Variants in CPD observed in about 807,000 individuals in gnomAD.
CPD encodes carboxypeptidase D.
A neutral mutation model predicts 138.3 loss-of-function variants in CPD; 69 were observed. The observed-to-expected ratio is 0.50, with a 90% CI of 0.41 to 0.61. The LOEUF is 0.61. CPD is among the 20% of genes least tolerant of loss of function. The pLI is 0.00. For missense variants in CPD, 1,432 were observed against 1,733.3 expected, an observed-to-expected ratio of 0.83 and a Z score of 3.09; for synonymous variants, 651 against 642.1, an observed-to-expected ratio of 1.01 and a Z score of -0.21.
intron 4 of CPD, 104 bp from the exon 5 acceptor site, chr17:30,422,569 AG>A (rs1263791696): frequency 7.3e-6 from 5 of 689,212 alleles, no homozygotes; most frequent in Admixed American, 3.3e-5. Context: ...GAGTTTTGAT[AG>A]ATCGCTAAGT....
Position 30,445,988 on chromosome 17 carries a change from A to G in CPD, c.2841A>G (p.Val947=), listed in dbSNP as rs775693838. ...KDLSEFLRGL[V]MNYPHITNLT... ...TATCAGAGTTTCTGAGAGGACTTGT[A>G]ATGAACTATCCACATATTACAAATC... The change falls in exon 12 of 21, where the codon GTA becomes GTG. Residue 947 remains valine, a synonymous_variant. Transcript: ENST00000225719. The G allele has an allele frequency of 1.9e-6, 3 of 1,613,664 alleles. No individual in the cohort carries two copies. Among genetic ancestry groups the G allele is most frequent in the Admixed American group, 1.7e-5 (1 of 59,938 alleles).
chr17:30,444,146 A>G lies in CPD; in HGVS notation c.2543+175A>G, dbSNP rs560178924. The G allele has an allele frequency of 6.8e-5, 22 of 322,080 alleles. No individual in the cohort carries two copies. The South Asian group carries it at 1.5e-3, about 22-fold the overall frequency. The allele number at this position is 322,080 out of a possible 1,614,324, so 20.0% of individuals were successfully genotyped here. ...CTTTAGTGGCAGATAGAGTACACGA[A>G]AAAAAAAAAAAGGAAAGATTCCTGG... On this transcript the variant is annotated intron_variant, in intron 11 of 20. Transcript: ENST00000225719.
In CPD at chr17:30,445,045, A is replaced by T. The variant is rs576125185; in HGVS notation, c.2544-646A>T. On this transcript the variant is annotated intron_variant, in intron 11 of 20. Transcript: ENST00000225719. ...AAGGATGTGTTTGGCAGAGAATGTC[A>T]TAACCTAGCACCTCTGCAACTTTCC... 6.6e-5 allele frequency among the ~76,000 whole-genome samples: 10 copies of T among 152,298 alleles called. 1 individual carries two copies. The South Asian group carries it at 1.9e-3, about 28-fold the overall frequency.
intron 2 of CPD, among the ~76,000 whole-genome samples, chr17:30,393,518 G>C (rs911898834): frequency 6.6e-6 from 1 of 152,146 alleles, no homozygotes; most frequent in African/African-American, 2.4e-5. Context: ...CTGATATTAA[G>C]AAACAGACAA....
At chr17:30,452,567 G>A (rs1056307925) in intron 14 of CPD, among the ~76,000 whole-genome samples, 19 of 148,704 alleles carry the variant, frequency 1.3e-4, no homozygotes, top group Non-Finnish European at 2.8e-4. Context: ...CACTGTGCCA[G>A]GCCCAACATT....
chr17:30,455,727 A>G, intron 15 of CPD: 1 of 370,334 alleles, frequency 2.7e-6, no homozygotes, highest in Non-Finnish European at 4.8e-6. Context: ...TTACTGAGCA[A>G]TTATTATGTC....
chr17:30,421,101 C>A, intron 3 of CPD, 118 bp downstream of exon 3: 2 of 686,568 alleles, frequency 2.9e-6, no homozygotes, highest in Non-Finnish European at 4.4e-6. Flanking sequence ...CTTTTTATTA[C>A]TTAAGATTAT....
At chr17:30,429,519 G>T (rs908831204) in intron 7 of CPD, among the ~76,000 whole-genome samples, 5 of 152,110 alleles carry the variant, frequency 3.3e-5, no homozygotes, top group Admixed American at 6.6e-5. Flanking sequence ...TGCTGTACAG[G>T]AGTAAAAAAT....
Position 30,420,846 on chromosome 17 carries a change from A to T in CPD, c.1000A>T (p.Met334Leu). Residue 334 changes from methionine (M) to leucine (L), a missense_variant, in exon 3 of 21, where the codon ATG becomes TTG. Met to Leu is a conservative substitution (Grantham distance 15). Transcript: ENST00000225719. ...GAHWYDVEGG[M>L]QDYNYVWANC... ...TTATTTTTTCTATGTTACAGGTGGT[A>T]TGCAAGATTACAATTATGTGTGGGC... 1 of 1,609,808 alleles carries T rather than the reference A, an allele frequency of 6.2e-7. No homozygotes were observed. The highest frequency in any genetic ancestry group is 8.5e-7 in the Non-Finnish European group (1 of 1,177,448).
In CPD at chr17:30,445,850, G is replaced by A. The variant is rs1251639649; in HGVS notation, c.2703G>A (p.Glu901=). The change falls in exon 12 of 21, where the codon GAG becomes GAA. Residue 901 remains glutamate (E), a synonymous_variant. Transcript: ENST00000225719. ...TNDASDPTTK[E]FETLIKDLSA... is the part of the protein sequence containing the mutation. ...ATGCCAGTGATCCAACTACTAAAGAGTTTGAAACTTTAATTAAAGACCTTT... is the reference window on the plus strand; with the variant it reads ...ATGCCAGTGATCCAACTACTAAAGAATTTGAAACTTTAATTAAAGACCTTT... 2 of 1,614,134 alleles carry A rather than the reference G, an allele frequency of 1.2e-6. No individual in the cohort carries two copies. Among genetic ancestry groups the A allele is most frequent in the Non-Finnish European group, 1.7e-6 (2 of 1,180,006 alleles).
At chr17:30,438,802 A>C (rs769086299) in intron 8 of CPD, among the ~76,000 whole-genome samples, 173 bp from the exon 9 acceptor site, 30 of 152,312 alleles carry the variant, frequency 2.0e-4, no homozygotes, top group Non-Finnish European at 4.1e-4. Context: ...TCAAAATGGC[A>C]TAAAAAGCTA....
At chr17:30,456,000 CCAAAA>C (rs1913282820) in intron 15 of CPD, 1 of 436,810 alleles carries the variant, frequency 2.3e-6, no homozygotes, top group Non-Finnish European at 4.1e-6. Flanking sequence ...GTAAGACATA[CCAAAA>C]CAAGTTTGTA....
At chr17:30,434,600 G>A (rs1044215734) in intron 8 of CPD, among the ~76,000 whole-genome samples, 5 of 152,124 alleles carry the variant, frequency 3.3e-5, no homozygotes, top group African/African-American at 1.2e-4. Flanking sequence ...TTTAAAAGGA[G>A]AGGATGGTTA....
intron 2 of CPD, among the ~76,000 whole-genome samples, chr17:30,392,857 A>T (rs1048488578): frequency 6.6e-6 from 1 of 152,242 alleles, no homozygotes; most frequent in Non-Finnish European, 1.5e-5. Flanking sequence ...TTTCCCTAAA[A>T]TACGAATGAG....
At chr17:30,380,618 A>G in intron 1 of CPD, 1 of 1,517,000 alleles carries the variant, frequency 6.6e-7, no homozygotes. Context: ...GTATAAAACA[A>G]GAGAATGTTA....
At position 30,421,779 on chromosome 17, in the gene CPD, A is replaced by T; in HGVS notation, c.1253A>T (p.Asp418Val). Residue 418 changes from aspartate (D) to valine (V), a missense_variant, in exon 4 of 21, where the codon GAT becomes GTT. Coordinates refer to ENST00000225719, the MANE Select transcript of CPD (RefSeq NM_001304.5). Reference sequence around the variant, plus strand: ...AATATCACAACAGGCAGATTTGGTGATTTCTACCGATTACTTGTTCCTGGA... The same window carrying T: ...AATATCACAACAGGCAGATTTGGTGTTTTCTACCGATTACTTGTTCCTGGA... ...NHNITTGRFG[D>V]FYRLLVPGTY... is the part of the protein sequence containing the mutation. The T allele has an allele frequency of 6.2e-7, 1 of 1,613,774 alleles. No individual in the cohort carries two copies.
intron 1 of CPD, among the ~76,000 whole-genome samples, chr17:30,381,820 G>C (rs1453017703): frequency 6.6e-6 from 1 of 151,962 alleles, no homozygotes; most frequent in Non-Finnish European, 1.5e-5. Context: ...TATTCACCCA[G>C]CTATATTCGA....
Position 30,461,323 on chromosome 17 carries a change from C to G in CPD, c.3630+12C>G. The G allele has an allele frequency of 6.5e-7, 1 of 1,546,744 alleles. No homozygotes were observed. Among genetic ancestry groups the G allele is most frequent in the Non-Finnish European group, 8.7e-7 (1 of 1,148,536 alleles). On this transcript the variant is annotated intron_variant, in intron 18 of 20. Transcript: ENST00000225719. ...GTATGTTAGTGGAGGTGAGTCTTTT[C>G]CTTTTAACTAGAGGCAAACTCCCAG...
chr17:30,391,666 C>CGTGT (rs139277481), intron 2 of CPD, among the ~76,000 whole-genome samples: 3 of 151,502 alleles, frequency 2.0e-5, no homozygotes, highest in African/African-American at 7.3e-5. Context: ...TAGCTGTGTG[C>CGTGT]GTGTGTGTGT....
Sources: allele counts gnomAD v4.1 joint callset (sites outside exome capture counted in the v4.1 genomes callset), GRCh38; gene constraint gnomAD v4.1.1; transcripts MANE v1.5; gene names NCBI Gene and HGNC (gene_info 2026-07-23, HGNC 2026-07-21).